Variants in TBC1D22A observed in about 807,000 individuals in gnomAD.
TBC1D22A encodes TBC1 domain family member 22A.
A neutral mutation model predicts 60.2 loss-of-function variants in TBC1D22A; 38 were observed. The ratio of observed to expected loss-of-function variants is 0.63; its 90% CI spans 0.49 to 0.83. TBC1D22A has a LOEUF of 0.83. Ranked by LOEUF, TBC1D22A falls within the 40% of genes least tolerant of loss-of-function variation. The pLI, the probability that TBC1D22A is intolerant of heterozygous loss-of-function variation, is 0.00. For missense variants in TBC1D22A, 628 were observed against 701.0 expected (o/e 0.90, Z 1.18); for synonymous variants, 302 against 281.7 (o/e 1.07, Z -0.72).
intron 12 of TBC1D22A, among the ~76,000 whole-genome samples, chr22:47,165,852 T>G (rs1192026573): frequency 6.6e-6 from 1 of 151,974 alleles, no homozygotes; most frequent in Non-Finnish European, 1.5e-5. Flanking sequence ...CCTGCTGTGG[T>G]TAGGGTTTCT....
intron 8 of TBC1D22A, among the ~76,000 whole-genome samples, chr22:46,935,468 C>T (rs907907608): frequency 1.3e-5 from 2 of 152,186 alleles, no homozygotes; most frequent in African/African-American, 4.8e-5. Context: ...TCACAAGGGC[C>T]GTATGGGCAG....
intron 6 of TBC1D22A, 123 bp from the exon 7 acceptor site, chr22:46,894,661 T>C: frequency 8.6e-7 from 1 of 1,159,656 alleles, no homozygotes; most frequent in South Asian, 1.3e-5. Flanking sequence ...ACGAGAATCC[T>C]CAAGGAGAGA....
rs559724708 is a variant in TBC1D22A at position 46,833,910 on chromosome 22, A to G, written c.637+36290A>G. ...CCAGGGTGCAAGGACTTGTCAGGAGAGAGGAATTGGGTTTTTGTTCCCATT... is the reference window on the plus strand; with the variant it reads ...CCAGGGTGCAAGGACTTGTCAGGAGGGAGGAATTGGGTTTTTGTTCCCATT... On this transcript the variant is annotated intron_variant, in intron 4 of 12. Coordinates refer to ENST00000337137, the MANE Select transcript of TBC1D22A (RefSeq NM_014346.5). Among the ~76,000 whole-genome samples, 16 of 152,330 alleles carry G rather than the reference A, an allele frequency of 1.1e-4. No homozygotes were observed. The South Asian group carries it at 3.1e-3, about 30-fold the overall frequency.
chr22:46,916,833 A>G (rs2070399033), intron 8 of TBC1D22A, among the ~76,000 whole-genome samples: 1 of 152,214 alleles, frequency 6.6e-6, no homozygotes, highest in South Asian at 2.1e-4. Context: ...TTGGGGAGAA[A>G]ACTCTACAAG....
intron 1 of TBC1D22A, among the ~76,000 whole-genome samples, chr22:46,784,309 C>A (rs571886620): frequency 6.6e-6 from 1 of 152,124 alleles, no homozygotes; most frequent in East Asian, 1.9e-4. Context: ...TCAAGTGATC[C>A]GCCAGCCTCC....
intron 6 of TBC1D22A, 152 bp downstream of exon 6, chr22:46,891,546 A>G: frequency 2.4e-6 from 2 of 827,404 alleles, no homozygotes; most frequent in Non-Finnish European, 3.4e-6. Context: ...TTTCTAATAA[A>G]TAAATTTTAA....
intron 8 of TBC1D22A, among the ~76,000 whole-genome samples, chr22:46,941,401 ACAGAATATATATACGGAATATACACG>A (rs1569247919): frequency 1.7e-5 from 1 of 58,528 alleles, no homozygotes; most frequent in African/African-American, 9.6e-5. Context: ...ATATATATAC[ACAGAATATATATACGGAATATACACG>A]GAATATATAT....
At chr22:47,053,596 G>C (rs987542168) in intron 11 of TBC1D22A, among the ~76,000 whole-genome samples, 3 of 152,252 alleles carry the variant, frequency 2.0e-5, no homozygotes, top group South Asian at 2.1e-4. Context: ...AGCCCTCAGA[G>C]ACGCCAGCGA....
chr22:47,031,325 C>A (rs1488331930), intron 10 of TBC1D22A, among the ~76,000 whole-genome samples: 1 of 152,170 alleles, frequency 6.6e-6, no homozygotes, highest in Non-Finnish European at 1.5e-5. Context: ...GCTGCTGAGC[C>A]CCCGGCGGGC....
In TBC1D22A at chr22:46,986,197, A is replaced by G. The variant is rs1361635713; in HGVS notation, c.1126-11437A>G. On this transcript the variant is annotated intron_variant, in intron 9 of 12. Coordinates refer to ENST00000337137, the MANE Select transcript of TBC1D22A (RefSeq NM_014346.5). ...CTATTTCACTTTTGCTGAAAATTAGATGATTGTATAGGTGTGTGTCTGTTT... is the reference window on the plus strand; with the variant it reads ...CTATTTCACTTTTGCTGAAAATTAGGTGATTGTATAGGTGTGTGTCTGTTT... Among the ~76,000 whole-genome samples the G allele has an allele frequency of 2.6e-5, 4 of 152,302 alleles. No homozygotes were observed. In the East Asian group the frequency reaches 5.8e-4, roughly 22 times the overall value.
At position 47,092,198 on chromosome 22, in the gene TBC1D22A, A is replaced by T. The variant is rs148729157; in HGVS notation, c.1330-19310A>T. Among the ~76,000 whole-genome samples, 1,016 of 152,204 alleles carry T rather than the reference A, an allele frequency of 6.7e-3. 12 individuals are homozygous for T. The highest frequency in any genetic ancestry group is 0.024 in the Middle Eastern group (7 of 294). On this transcript the variant is annotated intron_variant, in intron 11 of 12. Transcript: ENST00000337137. ...GAGGGATGTCGGAGCAGGGCGCCTT[A>T]CCCTGGCCTCAGGAGTCCCTGTGGG...
chr22:47,027,587 G>A (rs1437263237), intron 10 of TBC1D22A, among the ~76,000 whole-genome samples: 1 of 152,138 alleles, frequency 6.6e-6, no homozygotes, highest in East Asian at 1.9e-4. Context: ...TCTTCTAAGT[G>A]AAGTTAACTC....
At chr22:46,949,744 A>T (rs2072782082) in intron 8 of TBC1D22A, among the ~76,000 whole-genome samples, 1 of 152,260 alleles carries the variant, frequency 6.6e-6, no homozygotes, top group African/African-American at 2.4e-5. Flanking sequence ...AGAAGAAAGA[A>T]CTGAGAAAGG....
At chr22:47,044,359 G>A (rs929107890) in intron 11 of TBC1D22A, among the ~76,000 whole-genome samples, 8 of 152,294 alleles carry the variant, frequency 5.3e-5, no homozygotes, top group Non-Finnish European at 8.8e-5. Context: ...CAGCTCCTTT[G>A]AAAGGCTGCC....
At chr22:47,045,555 T>G (rs979720395) in intron 11 of TBC1D22A, among the ~76,000 whole-genome samples, 1 of 152,184 alleles carries the variant, frequency 6.6e-6, no homozygotes, top group Non-Finnish European at 1.5e-5. Flanking sequence ...AAGGAGAGAT[T>G]AAAGAGTTCT....
intron 4 of TBC1D22A, among the ~76,000 whole-genome samples, chr22:46,876,459 G>A (rs909059303): frequency 3.3e-5 from 5 of 152,092 alleles, no homozygotes; most frequent in African/African-American, 4.8e-5. Flanking sequence ...TCCTGTATTT[G>A]GCCATCTTGC....
intron 12 of TBC1D22A, among the ~76,000 whole-genome samples, chr22:47,131,394 G>A (rs1467038131): frequency 6.6e-6 from 1 of 152,214 alleles, no homozygotes; most frequent in East Asian, 1.9e-4. Context: ...CAGAAACCAA[G>A]CTCGTTAATC....
chr22:47,044,161 G>A (rs1317886125), intron 11 of TBC1D22A, among the ~76,000 whole-genome samples: 1 of 152,212 alleles, frequency 6.6e-6, no homozygotes, highest in Non-Finnish European at 1.5e-5. Flanking sequence ...CTCAGGCCCT[G>A]CCCTTCCCTG....
chr22:47,156,171 G>A (rs537565239), intron 12 of TBC1D22A, among the ~76,000 whole-genome samples: 1 of 152,318 alleles, frequency 6.6e-6, no homozygotes, highest in East Asian at 1.9e-4. Context: ...ATACCCCATG[G>A]TTTCACAGGC....
Sources: gnomAD v4.1 joint callset for allele counts (sites outside exome capture counted in the v4.1 genomes callset) on GRCh38, gnomAD v4.1.1 for gene constraint, MANE v1.5 for transcripts, NCBI Gene and HGNC (gene_info 2026-07-23, HGNC 2026-07-21) for gene names.